The following KAT7 variants were observed in gnomAD, a reference collection of about 807,000 sequenced individuals.
KAT7 encodes histone acetyltransferase KAT7.
KAT7 carries 10 observed loss-of-function variants against 82.1 expected under a neutral mutation model. The ratio of observed to expected loss-of-function variants is 0.12; its 90% CI spans 0.08 to 0.21. The LOEUF is 0.21. Among genes scored for constraint, KAT7 ranks in the 10% least tolerant of loss-of-function variants. The pLI is 1.00. For synonymous variants in KAT7, 250 were observed against 262.5 expected, an observed-to-expected ratio of 0.95 and a Z score of 0.46; for missense variants, 378 against 760.9, an observed-to-expected ratio of 0.50 and a Z score of 5.92.
At chr17:49,794,199 A>G (rs1482417916) in intron 2 of KAT7, among the ~76,000 whole-genome samples, 1 of 152,206 alleles carries the variant, frequency 6.6e-6, no homozygotes, top group Admixed American at 6.5e-5. Context: ...ACATTATGGC[A>G]AGGGCTGTGA....
At chr17:49,796,632 T>A (rs1278595966) in intron 2 of KAT7, 118 bp from the exon 3 acceptor site, 1 of 699,506 alleles carries the variant, frequency 1.4e-6, no homozygotes, top group Non-Finnish European at 2.3e-6. Context: ...TTTTAAGGAT[T>A]TGTTGGATTT....
chr17:49,795,100 A>T (rs1315473148), intron 2 of KAT7, among the ~76,000 whole-genome samples: 1 of 152,134 alleles, frequency 6.6e-6, no homozygotes, highest in Non-Finnish European at 1.5e-5. Context: ...GCCCTCTGAA[A>T]AAAAAATTAA....
At chr17:49,809,060 C>A in intron 5 of KAT7, 59 bp from the exon 6 acceptor site, 1 of 1,333,918 alleles carries the variant, frequency 7.5e-7, no homozygotes, top group Non-Finnish European at 1.1e-6. Flanking sequence ...TATTCTTATG[C>A]TTTAAGTAAA....
rs559310051 is a variant in KAT7 at position 49,791,597 on chromosome 17, G to A, written c.16-289G>A. On this transcript the variant is annotated intron_variant, in intron 1 of 14. Transcript: ENST00000259021. ...CACTTGAACCCGGGAGGCGGAGGTT[G>A]CAGTGAGCCACGATTGCGCCCTTGC... is the stretch of plus-strand genomic sequence containing the variant. Among the ~76,000 whole-genome samples, 3 of 152,374 alleles carry A rather than the reference G, an allele frequency of 2.0e-5. No individual in the cohort carries two copies. The South Asian group carries it at 6.2e-4, about 32-fold the overall frequency.
At position 49,832,328 on chromosome 17, in the gene KAT7, T is replaced by G. The variant is rs1245847883; in HGVS notation, c.*4826T>G. The stretch of plus-strand genomic sequence containing the variant: ...CTTTTGACTTGTCCTCAACTTTGAT[T>G]TGTACTGATTTGTCCCTATAGTTCT... On this transcript the variant is annotated 3_prime_UTR_variant, in exon 15 of 15. Coordinates refer to ENST00000259021, the MANE Select transcript of KAT7 (RefSeq NM_007067.5). The G allele has an allele frequency of 6.6e-6, 1 of 152,212 alleles. No homozygotes were observed. The highest frequency in any genetic ancestry group is 1.9e-4 in the East Asian group (1 of 5,202). The allele number at this position is 152,212 out of a possible 1,614,324, so 9.4% of individuals were successfully genotyped here.
chr17:49,823,753 A>G (rs2074334445), intron 12 of KAT7: 1 of 154,710 alleles, frequency 6.5e-6, no homozygotes, highest in African/African-American at 2.4e-5. Context: ...TTGTAACCCC[A>G]AAATCAATCT....
rs148605425 is a variant in KAT7 at position 49,800,671 on chromosome 17, G to C, written c.580+2113G>C. Among the ~76,000 whole-genome samples, 22 of 152,234 alleles carry C rather than the reference G, an allele frequency of 1.4e-4. No individual in the cohort carries two copies. In the East Asian group the frequency reaches 4.3e-3, roughly 29 times the overall value. On this transcript the variant is annotated intron_variant, in intron 4 of 14. Transcript: ENST00000259021. ...GAATATTGGTCATGTGCCAGATACT[G>C]TTTTAAGTTATGAGGATGTAGCTAT...
chr17:49,823,066 T>C (rs2074325911), intron 11 of KAT7, 136 bp from the exon 12 acceptor site: 3 of 616,528 alleles, frequency 4.9e-6, no homozygotes, highest in African/African-American at 3.7e-5. Context: ...TTATAACAGC[T>C]GTGAGCCTGG....
chr17:49,821,303 T>C, intron 9 of KAT7, 34 bp from the exon 10 acceptor site: 1 of 1,539,066 alleles, frequency 6.5e-7, no homozygotes, highest in Non-Finnish European at 9.0e-7. Context: ...TTGGGAGGCT[T>C]TGGTTCCCTG....
intron 7 of KAT7, among the ~76,000 whole-genome samples, chr17:49,811,977 T>C (rs936025780): frequency 6.6e-6 from 1 of 152,204 alleles, no homozygotes; most frequent in Non-Finnish European, 1.5e-5. Context: ...GATTAAAAGG[T>C]ATTAATTGGG....
At chr17:49,823,443 G>C (rs2074330137) in intron 12 of KAT7, 148 bp downstream of exon 12, 1 of 602,968 alleles carries the variant, frequency 1.7e-6, no homozygotes, top group South Asian at 1.9e-5. Flanking sequence ...GGAAAAACCT[G>C]AACATTGTCA....
In KAT7 at chr17:49,811,467, TC is replaced by T; in HGVS notation, c.754-7del. The T allele has an allele frequency of 1.4e-6, 2 of 1,403,344 alleles. No individual in the cohort carries two copies. The highest frequency in any genetic ancestry group is 1.9e-6 in the Non-Finnish European group (2 of 1,027,562). 86.9% of individuals were successfully genotyped at this position (1,403,344 alleles called of 1,614,324 possible). A position where few individuals can be genotyped will look rare whatever the true frequency, so the allele number is the denominator to read the frequency against. Reference sequence around the variant, plus strand: ...AGTTTTCTCTCAGTTTTCTCCTTTTTCCTTTTAGGCACCAACGGAGAGACAG... The same window carrying T: ...AGTTTTCTCTCAGTTTTCTCCTTTTTCTTTTAGGCACCAACGGAGAGACAG... On this transcript the variant is annotated splice_polypyrimidine_tract_variant and splice_region_variant and intron_variant, in intron 6 of 14. Coordinates refer to ENST00000259021, the MANE Select transcript of KAT7 (RefSeq NM_007067.5).
At position 49,792,174 on chromosome 17, in the gene KAT7, T is replaced by TG. The variant is rs372803659; in HGVS notation, c.163+142dup. 16 of 801,830 alleles carry TG rather than the reference T, an allele frequency of 2.0e-5. No individual in the cohort carries two copies. In the African/African-American group the frequency reaches 2.1e-4, roughly 10 times the overall value. The allele number at this position is 801,830 out of a possible 1,614,324, so 49.7% of individuals were successfully genotyped here. A position where few individuals can be genotyped will look rare whatever the true frequency, so the allele number is the denominator to read the frequency against. On this transcript the variant is annotated intron_variant, in intron 2 of 14. Transcript: ENST00000259021. ...ACCAGATGATTGGTAAAATGTAGAG[T>TG]GAATGCAGAGTTGTCAGGTCTTTAA...
rs2073984356 is a variant in KAT7 at position 49,798,511 on chromosome 17, G to A, written c.533G>A (p.Ser178Asn). ...CCCAAGCGCCGTCGCTTCCATGAAA[G>A]CTACAACTTCAATATGAAGTGTCCT... ...HRPKRRRFHE[S>N]YNFNMKCPTP... is the part of the protein sequence containing the mutation. Residue 178 changes from serine to asparagine, a missense_variant, in exon 4 of 15, where the codon AGC becomes AAC. This residue lies in a region of KAT7 where 161 missense variants were observed against 229.6 expected (regional missense o/e 0.70). Transcript: ENST00000259021. 6.2e-6 allele frequency: 10 copies of A among 1,613,936 alleles called. No individual in the cohort carries two copies. Among genetic ancestry groups the A allele is most frequent in the Non-Finnish European group, 7.6e-6 (9 of 1,179,914 alleles).
In KAT7 at chr17:49,828,669, T is replaced by A. The variant is rs568521072; in HGVS notation, c.*1167T>A. ...TCACCATCCTTCTATTCTCTGGTCT[T>A]CTATTTTTGGTGTTGTTCAAGTGAA... On this transcript the variant is annotated 3_prime_UTR_variant, in exon 15 of 15. Coordinates refer to ENST00000259021, the MANE Select transcript of KAT7 (RefSeq NM_007067.5). 3 of 152,806 alleles carry A rather than the reference T, an allele frequency of 2.0e-5. No homozygotes were observed. The allele number at this position is 152,806 out of a possible 1,614,324, so 9.5% of individuals were successfully genotyped here. A position where few individuals can be genotyped will look rare whatever the true frequency, so the allele number is the denominator to read the frequency against.
At chr17:49,818,051 A>C in intron 9 of KAT7, 40 bp downstream of exon 9, 1 of 1,534,430 alleles carries the variant, frequency 6.5e-7, no homozygotes, top group African/African-American at 1.4e-5. Context: ...CCATGATGGC[A>C]ATAAGCTGTA....
chr17:49,816,796 A>C (rs1461917900), intron 8 of KAT7, among the ~76,000 whole-genome samples: 1 of 152,032 alleles, frequency 6.6e-6, no homozygotes, highest in Non-Finnish European at 1.5e-5. Flanking sequence ...AGAGCCACTG[A>C]ATGGAGATGG....
intron 4 of KAT7, among the ~76,000 whole-genome samples, chr17:49,802,871 A>ATGGACTACCGTGCC (rs1280432318): frequency 6.6e-6 from 1 of 152,094 alleles, no homozygotes; most frequent in Non-Finnish European, 1.5e-5. Flanking sequence ...GACTACGGGC[A>ATGGACTACCGTGCC]TGGACTACCG....
intron 7 of KAT7, among the ~76,000 whole-genome samples, chr17:49,813,195 T>C (rs1469728588): frequency 6.6e-6 from 1 of 152,098 alleles, no homozygotes; most frequent in African/African-American, 2.4e-5. Flanking sequence ...ACTCTTGGAA[T>C]CCTCAGTGTT....
Sources: gnomAD v4.1 joint callset for allele counts (sites outside exome capture counted in the v4.1 genomes callset) on GRCh38, gnomAD v4.1.1 for gene constraint, gnomAD v4.1.1 regional missense constraint, MANE v1.5 for transcripts, NCBI Gene and HGNC (gene_info 2026-07-23, HGNC 2026-07-21) for gene names.